Variants in PPP2R5C observed in about 807,000 individuals in gnomAD.
PPP2R5C encodes serine/threonine-protein phosphatase 2A 56 kDa regulatory subunit gamma isoform.
Under a neutral mutation model 68.9 loss-of-function variants are expected in PPP2R5C, and 7 were observed. That is an observed-to-expected ratio of 0.10 (90% confidence interval 0.06 to 0.19). The LOEUF (loss-of-function observed/expected upper bound fraction) is 0.19, where lower values mean the gene tolerates loss of function less well. Ranked by LOEUF, PPP2R5C falls within the 10% of genes least tolerant of loss-of-function variation. The pLI is 1.00. For synonymous variants in PPP2R5C, 210 were observed against 222.2 expected (o/e 0.95, Z 0.49); for missense variants, 348 against 641.3 (o/e 0.54, Z 4.94).
intron 1 of PPP2R5C, among the ~76,000 whole-genome samples, chr14:101,851,053 C>T (rs2042128999): frequency 1.3e-5 from 2 of 152,184 alleles, no homozygotes; most frequent in Non-Finnish European, 2.9e-5. Context: ...TTGAGCGCTT[C>T]TTTCTGTTTT....
intron 7 of PPP2R5C, among the ~76,000 whole-genome samples, chr14:101,893,642 C>T (rs565428087): frequency 6.6e-6 from 1 of 152,266 alleles, no homozygotes; most frequent in Admixed American, 6.5e-5. Flanking sequence ...CCCAGCTCCT[C>T]AGGAGGCTGA....
Position 101,856,921 on chromosome 14 carries a change from C to T in PPP2R5C, c.294+36C>T, listed in dbSNP as rs570971921. The T allele has an allele frequency of 2.6e-5, 41 of 1,590,898 alleles. 1 individual carries two copies. In the South Asian group the frequency reaches 4.4e-4, roughly 17 times the overall value. ...ACAGTTTAACCAGTGTGTCCCAGTT[C>T]TGATTTATAAACAGGACAGGCCAAG... On this transcript the variant is annotated intron_variant, in intron 2 of 13. Transcript: ENST00000334743.
chr14:101,766,523 A>T (rs1229521545), intron 2 of PPP2R5C: 1 of 152,244 alleles, frequency 6.6e-6, no homozygotes, highest in East Asian at 1.9e-4. Flanking sequence ...AAGTTCTATT[A>T]AAGGTCATAA....
rs2046928361 is a variant in PPP2R5C at position 101,919,994 on chromosome 14, C to CAAAAAAAAAAAAAAA, written c.1443+2049_1443+2050insAAAAAAAAAAAAAAA. 2.5e-4 allele frequency among the ~76,000 whole-genome samples: 28 copies of CAAAAAAAAAAAAAAA among 111,290 alleles called. 2 individuals carry two copies. Among genetic ancestry groups the CAAAAAAAAAAAAAAA allele is most frequent in the African/African-American group, 1.4e-3 (28 of 20,250 alleles). The allele number at this position is 111,290 out of a possible 152,430, so 73.0% of individuals were successfully genotyped here. A position where few individuals can be genotyped will look rare whatever the true frequency, so the allele number is the denominator to read the frequency against. ...CAAAAAAAAAAAAAAAAAAAAAAAC[C>CAAAAAAAAAAAAAAA]AATTCTTACACATTAAATAGCTTAG... On this transcript the variant is annotated intron_variant, in intron 13 of 13. Coordinates refer to ENST00000334743, the Ensembl canonical transcript of PPP2R5C.
chr14:101,875,333 G>C (rs148253507), intron 2 of PPP2R5C, among the ~76,000 whole-genome samples: 1 of 152,078 alleles, frequency 6.6e-6, no homozygotes, highest in Non-Finnish European at 1.5e-5. Flanking sequence ...AGGACTTCCC[G>C]GCCACCCAGT....
At chr14:101,805,431 C>T (rs1566852373), upstream of PPP2R5C, among the ~76,000 whole-genome samples, 2 of 152,162 alleles carry the variant, frequency 1.3e-5, no homozygotes, top group Non-Finnish European at 2.9e-5. Context: ...TATGGCAGTT[C>T]TTCCAAATAT....
chr14:101,845,935 C>T (rs2041801284), intron 1 of PPP2R5C, among the ~76,000 whole-genome samples: 1 of 152,172 alleles, frequency 6.6e-6, no homozygotes, highest in Non-Finnish European at 1.5e-5. Context: ...ACCAGCCCCA[C>T]GTTACCAAAT....
rs180994471 is a variant in PPP2R5C, at chr14:101,913,137, C to T, written c.1326+664C>T. On this transcript the variant is annotated intron_variant, in intron 12 of 13. Coordinates refer to ENST00000334743, the Ensembl canonical transcript of PPP2R5C. The surrounding 1 kb of genome is among the most constrained non-coding windows in gnomAD (Gnocchi z 4.1). The stretch of plus-strand genomic sequence containing the variant: ...GTTTGATGTACGCTGCTGTAAATGA[C>T]TAGAGCGTTATGACAGTTTCTTCAC... Among the ~76,000 whole-genome samples the T allele has an allele frequency of 2.7e-4, 41 of 152,312 alleles. No homozygotes were observed. The highest frequency in any genetic ancestry group is 2.4e-3 in the Admixed American group (37 of 15,292).
intron 1 of PPP2R5C, among the ~76,000 whole-genome samples, chr14:101,829,241 G>T (rs2040586268): frequency 6.6e-6 from 1 of 152,108 alleles, no homozygotes; most frequent in African/African-American, 2.4e-5. Flanking sequence ...AAAGAGAAAG[G>T]AAAGGAAGAG....
Position 101,927,818 on chromosome 14 carries a change from CAT to C in PPP2R5C, c.*2549_*2550del, listed in dbSNP as rs372550610. 34 of 152,500 alleles carry C rather than the reference CAT, an allele frequency of 2.2e-4. 1 individual carries two copies. In the East Asian group the frequency reaches 5.6e-3, roughly 25 times the overall value. 9.4% of individuals were successfully genotyped at this position (152,500 alleles called of 1,614,324 possible). On this transcript the variant is annotated 3_prime_UTR_variant, in exon 14 of 14. Coordinates refer to ENST00000334743, the Ensembl canonical transcript of PPP2R5C. ...GCATTAGTGAAATGTTAAGTACCGA[CAT>C]ATTTTTTAACATTTTGTAATTCAAA...
intron 5 of PPP2R5C, among the ~76,000 whole-genome samples, chr14:101,886,520 C>T (rs1053999276): frequency 2.6e-5 from 4 of 151,802 alleles, no homozygotes; most frequent in Admixed American, 2.6e-4. Flanking sequence ...ATAGTCTTTT[C>T]TGTAATTGTG....
chr14:101,819,295 C>G, intron 1 of PPP2R5C: 1 of 471,498 alleles, frequency 2.1e-6, no homozygotes, highest in Non-Finnish European at 3.8e-6. Context: ...AGCCTGTGGC[C>G]CCTGGGGTCA....
At position 101,882,759 on chromosome 14, in the gene PPP2R5C, C is replaced by T. The variant is rs1358314596; in HGVS notation, c.405+488C>T. On this transcript the variant is annotated intron_variant, in intron 3 of 13. Coordinates refer to ENST00000334743, the Ensembl canonical transcript of PPP2R5C. The surrounding 1 kb of genome is among the most constrained non-coding windows in gnomAD (Gnocchi z 4.9). ...ATCCATCCGTGACAGGCGGCCCACG[C>T]TGTCCCACCCAGCATGTCTGCACAG... The T allele has an allele frequency of 6.2e-6, 1 of 161,676 alleles. No homozygotes were observed. The highest frequency in any genetic ancestry group is 1.3e-5 in the Non-Finnish European group (1 of 74,568). The allele number at this position is 161,676 out of a possible 1,614,324, so 10.0% of individuals were successfully genotyped here. A position where few individuals can be genotyped will look rare whatever the true frequency, so the allele number is the denominator to read the frequency against.
rs1302211003 is a variant in PPP2R5C at position 101,797,971 on chromosome 14, C to T, written c.259+11788C>T. On this transcript the variant is annotated intron_variant, in intron 3 of 14. Transcript: ENST00000328724. The surrounding 1 kb of genome is among the most constrained non-coding windows in gnomAD (Gnocchi z 4.2). ...CTCACACAGCAACAAGTGCCTGTCC[C>T]TGTGTCCTTGCTGTTGGCAAGCAGA... Among the ~76,000 whole-genome samples, 1 of 152,100 alleles carries T rather than the reference C, an allele frequency of 6.6e-6. No individual in the cohort carries two copies. Among genetic ancestry groups the T allele is most frequent in the South Asian group, 2.1e-4 (1 of 4,818 alleles).
chr14:101,860,914 G>A (rs966025774), intron 2 of PPP2R5C, among the ~76,000 whole-genome samples: 32 of 152,158 alleles, frequency 2.1e-4, no homozygotes, highest in Non-Finnish European at 2.8e-4. Context: ...AGAGAGATGC[G>A]GGTGGTGAGG....
In PPP2R5C at chr14:101,812,658, C is replaced by T. The variant is rs1379559781; in HGVS notation, c.94+2622C>T. Among the ~76,000 whole-genome samples the T allele has an allele frequency of 7.2e-5, 11 of 152,142 alleles. No homozygotes were observed. In the East Asian group the frequency reaches 1.5e-3, roughly 21 times the overall value. On this transcript the variant is annotated intron_variant, in intron 1 of 13. Transcript: ENST00000334743. ...CCAATGCCTTACCATTTATTTGGCT[C>T]GGTAGCCTCTTTTTGTATAACAGTT...
rs967935057 is a variant in PPP2R5C at position 101,918,041 on chromosome 14, T to G, written c.1443+94T>G. ...CGATGTGATTTGCATCAGTGCCTTCTGTTTAAGCTGAAATTAAAACTTAAA... is the reference window on the plus strand; with the variant it reads ...CGATGTGATTTGCATCAGTGCCTTCGGTTTAAGCTGAAATTAAAACTTAAA... On this transcript the variant is annotated intron_variant, in intron 13 of 13. Coordinates refer to ENST00000334743, the Ensembl canonical transcript of PPP2R5C. The G allele has an allele frequency of 1.6e-5, 24 of 1,526,552 alleles. No homozygotes were observed. In the African/African-American group the frequency reaches 2.7e-4, roughly 17 times the overall value. The allele number at this position is 1,526,552 out of a possible 1,614,324, so 94.6% of individuals were successfully genotyped here.
rs1393312551 is a variant in PPP2R5C at position 101,902,012 on chromosome 14, A to G, written c.1023+123A>G. ...ATTTAAAGGTAAAATCCAAGTTTTTACTTGAATTATACTTCAAATACGATG... is the reference window on the plus strand; with the variant it reads ...ATTTAAAGGTAAAATCCAAGTTTTTGCTTGAATTATACTTCAAATACGATG... On this transcript the variant is annotated intron_variant, in intron 9 of 13. Transcript: ENST00000334743. 5 of 1,072,972 alleles carry G rather than the reference A, an allele frequency of 4.7e-6. No homozygotes were observed. In the African/African-American group the frequency reaches 8.0e-5, roughly 17 times the overall value. The allele number at this position is 1,072,972 out of a possible 1,614,324, so 66.5% of individuals were successfully genotyped here. A position where few individuals can be genotyped will look rare whatever the true frequency, so the allele number is the denominator to read the frequency against.
intron 3 of PPP2R5C, chr14:101,789,805 A>G (rs2038278347): frequency 6.6e-6 from 1 of 152,070 alleles, no homozygotes; most frequent in East Asian, 1.9e-4. Context: ...AGAAACAATA[A>G]AATGTGGAAT....
Sources: allele counts gnomAD v4.1 joint callset (sites outside exome capture counted in the v4.1 genomes callset), GRCh38; gene constraint gnomAD v4.1.1; non-coding constraint Gnocchi (gnomAD v3.1); transcripts MANE v1.5; gene names NCBI Gene and HGNC (gene_info 2026-07-23, HGNC 2026-07-21).